Variants in IL6R observed in about 807,000 individuals in gnomAD.
The protein encoded by IL6R is interleukin-6 receptor subunit alpha.
In IL6R, 38 loss-of-function variants were observed where a neutral mutation model predicts 48.3. That is an observed-to-expected ratio of 0.79 (90% CI 0.61 to 1.03). The LOEUF (loss-of-function observed/expected upper bound fraction) is 1.03. Among genes scored for constraint, IL6R ranks in the 50% least tolerant of loss-of-function variants. The pLI is 0.00. For missense variants in IL6R, 534 were observed against 618.3 expected, an observed-to-expected ratio of 0.86 and a Z score of 1.45; for synonymous variants, 264 against 256.2, an observed-to-expected ratio of 1.03 and a Z score of -0.29.
chr1:154,420,630 G>A (rs1318034934), intron 1 of IL6R, among the ~76,000 whole-genome samples: 1 of 151,604 alleles, frequency 6.6e-6, no homozygotes, highest in Admixed American at 6.6e-5. Context: ...CTGCCTCCCG[G>A]ATTCAAGCGA....
At chr1:154,458,263 C>T (rs1180648863) in intron 9 of IL6R, among the ~76,000 whole-genome samples, 1 of 152,142 alleles carries the variant, frequency 6.6e-6, no homozygotes, top group Non-Finnish European at 1.5e-5. Flanking sequence ...AGCCACCGTG[C>T]CCGGCCTTCA....
intron 1 of IL6R, among the ~76,000 whole-genome samples, chr1:154,426,419 G>A (rs1240950185): frequency 6.6e-6 from 1 of 151,816 alleles, no homozygotes; most frequent in African/African-American, 2.4e-5. Context: ...TACTCGGGAG[G>A]CTGAGACAGG....
At chr1:154,411,947 CTT>C (rs1179153554) in intron 1 of IL6R, among the ~76,000 whole-genome samples, 37 of 132,580 alleles carry the variant, frequency 2.8e-4, no homozygotes, top group African/African-American at 8.3e-4. Context: ...TCCTAAGAGC[CTT>C]TTTTTTTTTT....
At chr1:154,410,837 A>C (rs1336428551) in intron 1 of IL6R, among the ~76,000 whole-genome samples, 1 of 152,180 alleles carries the variant, frequency 6.6e-6, no homozygotes, top group Non-Finnish European at 1.5e-5. Context: ...CGCTTTCCCG[A>C]AAAGCATCCT....
intron 1 of IL6R, among the ~76,000 whole-genome samples, chr1:154,428,731 G>A (rs1689113559): frequency 6.6e-6 from 1 of 152,204 alleles, no homozygotes. Flanking sequence ...TGGAGCTGGG[G>A]GACCGGAAAC....
rs764993854 is a variant in IL6R, at chr1:154,435,985, A to G, written c.824A>G (p.His275Arg). ...FTTWMVKDLQ[H>R]HCVIHDAWSG... is the part of the protein sequence containing the mutation. Reference sequence around the variant, plus strand: ...CGCCCTCAGGTCAAGGACCTCCAGCATCACTGTGTCATCCACGACGCCTGG... The same window carrying G: ...CGCCCTCAGGTCAAGGACCTCCAGCGTCACTGTGTCATCCACGACGCCTGG... Residue 275 changes from histidine to arginine, a missense_variant, in exon 6 of 10, where the codon CAT becomes CGT. Transcript: ENST00000368485. 2 of 1,607,434 alleles carry G rather than the reference A, an allele frequency of 1.2e-6. No homozygotes were observed. Among genetic ancestry groups the G allele is most frequent in the African/African-American group, 2.7e-5 (2 of 75,000 alleles).
intron 1 of IL6R, among the ~76,000 whole-genome samples, chr1:154,423,695 G>A (rs1423413054): frequency 6.6e-6 from 1 of 152,178 alleles, no homozygotes; most frequent in African/African-American, 2.4e-5. Context: ...GGCTGTGACA[G>A]GCAATACTTG....
At chr1:154,428,364 C>G (rs1689091084) in intron 1 of IL6R, among the ~76,000 whole-genome samples, 1 of 152,042 alleles carries the variant, frequency 6.6e-6, no homozygotes, top group African/African-American at 2.4e-5. Flanking sequence ...AACCAGAAGC[C>G]CTGGTTCCTA....
At chr1:154,423,124 C>T (rs953132980) in intron 1 of IL6R, among the ~76,000 whole-genome samples, 3 of 151,642 alleles carry the variant, frequency 2.0e-5, no homozygotes, top group Non-Finnish European at 2.9e-5. Flanking sequence ...TGAAGGTGCT[C>T]GGAAGCTGCT....
At chr1:154,420,223 A>T (rs1443507503) in intron 1 of IL6R, among the ~76,000 whole-genome samples, 2 of 152,172 alleles carry the variant, frequency 1.3e-5, no homozygotes, top group Non-Finnish European at 2.9e-5. Context: ...TAGATTCATT[A>T]TGTGTTTTCA....
chr1:154,434,778 C>A (rs2149244111), intron 4 of IL6R, 78 bp downstream of exon 4: 1 of 1,436,922 alleles, frequency 7.0e-7, no homozygotes, highest in Non-Finnish European at 9.6e-7. Context: ...CTCAGAGTGG[C>A]AGGGAAGGGG....
intron 1 of IL6R, among the ~76,000 whole-genome samples, chr1:154,412,198 C>T (rs143824406): frequency 0.011 from 1,598 of 151,768 alleles, 18 homozygotes; most frequent in African/African-American, 0.031. Context: ...CTGCCCACCT[C>T]GTCCTCTCAA....
In IL6R at chr1:154,436,129, A is replaced by G. The variant is rs1392137665; in HGVS notation, c.949+19A>G. ...TGGACAGGTACTGCGGTGGGCACTG[A>G]GAAAGGAAGGGATGTTTCAACTGTC... is the stretch of plus-strand genomic sequence containing the variant. On this transcript the variant is annotated intron_variant, in intron 6 of 9. Coordinates refer to ENST00000368485, the MANE Select transcript of IL6R (RefSeq NM_000565.4). The G allele has an allele frequency of 1.3e-6, 2 of 1,580,722 alleles. No individual in the cohort carries two copies. Among genetic ancestry groups the G allele is most frequent in the South Asian group, 2.3e-5 (2 of 88,802 alleles).
At chr1:154,428,636 G>T (rs1689108336) in intron 1 of IL6R, among the ~76,000 whole-genome samples, 1 of 152,230 alleles carries the variant, frequency 6.6e-6, no homozygotes, top group South Asian at 2.1e-4. Flanking sequence ...CTTCTGTGGT[G>T]CTTGGAGTCT....
intron 1 of IL6R, among the ~76,000 whole-genome samples, chr1:154,409,867 G>A (rs1687930460): frequency 6.6e-6 from 1 of 152,194 alleles, no homozygotes; most frequent in South Asian, 2.1e-4. Context: ...CCCCATGTGT[G>A]TTTGTGGCAG....
intron 9 of IL6R, among the ~76,000 whole-genome samples, chr1:154,463,960 G>A (rs61812626): frequency 0.13 from 20,394 of 152,056 alleles, 1,488 homozygotes; most frequent in South Asian, 0.17. Context: ...ACCGAGAGGC[G>A]TAGGGAGAAC....
chr1:154,424,983 C>T (rs1047638475), intron 1 of IL6R, among the ~76,000 whole-genome samples: 13 of 152,058 alleles, frequency 8.5e-5, no homozygotes, highest in African/African-American at 3.1e-4. Flanking sequence ...ATTGAGCAAG[C>T]AGGGGGTACG....
chr1:154,434,268 G>T (rs1031320783), intron 3 of IL6R, among the ~76,000 whole-genome samples: 1 of 152,006 alleles, frequency 6.6e-6, no homozygotes, highest in Non-Finnish European at 1.5e-5. Flanking sequence ...CCGAGACTGC[G>T]CCACTGCACT....
At chr1:154,425,471 T>C (rs1688911146) in intron 1 of IL6R, among the ~76,000 whole-genome samples, 1 of 152,104 alleles carries the variant, frequency 6.6e-6, no homozygotes, top group Non-Finnish European at 1.5e-5. Context: ...TACGTGTCAG[T>C]GAATCAGAGA....
Sources: gnomAD v4.1 joint callset for allele counts (sites outside exome capture counted in the v4.1 genomes callset) on GRCh38, gnomAD v4.1.1 for gene constraint, MANE v1.5 for transcripts, NCBI Gene and HGNC (gene_info 2026-07-23, HGNC 2026-07-21) for gene names.